SMOX: variants seen among roughly 807,000 people sequenced by gnomAD.
SMOX encodes spermine oxidase.
A neutral mutation model predicts 51.0 loss-of-function variants in SMOX; 22 were observed. The observed-to-expected ratio is 0.43, with a 90% CI of 0.31 to 0.62. SMOX has a LOEUF of 0.62. Ranked by LOEUF, SMOX falls within the 20% of genes least tolerant of loss-of-function variation. SMOX has a pLI of 0.10. For missense variants in SMOX, 566 were observed against 777.7 expected, an observed-to-expected ratio of 0.73 and a Z score of 3.24; for synonymous variants, 282 against 307.8, an observed-to-expected ratio of 0.92 and a Z score of 0.88.
In SMOX at chr20:4,177,508, C is replaced by T; in HGVS notation, c.366C>T (p.Cys122=). The stretch of plus-strand genomic sequence containing the variant: ...TCTATTCCAAGAATGGCGTGGCCTG[C>T]TACCTTACCAACCACGGCCGCAGGA... ...ISLYSKNGVA[C]YLTNHGRRIP... The change falls in exon 3 of 7, where the codon TGC becomes TGT. Residue 122 remains cysteine (C), a synonymous_variant. Transcript: ENST00000305958. The surrounding 1 kb of genome is among the most constrained non-coding windows in gnomAD (Gnocchi z 4.3). 6 of 1,593,412 alleles carry T rather than the reference C, an allele frequency of 3.8e-6. No individual in the cohort carries two copies. The highest frequency in any genetic ancestry group is 1.7e-4 in the Middle Eastern group (1 of 6,038).
chr20:4,173,235 T>C (rs1189542413), intron 1 of SMOX, among the ~76,000 whole-genome samples: 2 of 152,206 alleles, frequency 1.3e-5, no homozygotes, highest in Non-Finnish European at 2.9e-5. Flanking sequence ...TTCAGTCATC[T>C]CCCTGCCTTC....
Position 4,187,438 on chromosome 20 carries a change from A to C in SMOX, c.*31A>C. The stretch of plus-strand genomic sequence containing the variant: ...GTCCTCGCTGCTGAGAAGAGCCACT[A>C]ACTCGTGACCTCCAGCCTGCCCCTT... On this transcript the variant is annotated 3_prime_UTR_variant, in exon 7 of 7. Coordinates refer to ENST00000305958, the MANE Select transcript of SMOX (RefSeq NM_175839.3). The surrounding 1 kb of genome is among the most constrained non-coding windows in gnomAD (Gnocchi z 4.8). The C allele has an allele frequency of 6.2e-7, 1 of 1,605,204 alleles. No individual in the cohort carries two copies. Among genetic ancestry groups the C allele is most frequent in the Non-Finnish European group, 8.5e-7 (1 of 1,173,868 alleles).
intron 1 of SMOX, among the ~76,000 whole-genome samples, chr20:4,165,885 CTCTGCAAGA>C: frequency 6.6e-6 from 1 of 152,180 alleles, no homozygotes; most frequent in Admixed American, 6.5e-5. Flanking sequence ...GCTTGCCTAC[CTCTGCAAGA>C]TCTGGAATCT....
In SMOX at chr20:4,177,500, G is replaced by A. The variant is rs375716040; in HGVS notation, c.358G>A (p.Val120Met). 4.0e-5 allele frequency: 63 copies of A among 1,591,090 alleles called. No homozygotes were observed. Among genetic ancestry groups the A allele is most frequent in the Non-Finnish European group, 5.1e-5 (59 of 1,167,688 alleles). ...GRISLYSKNG[V>M]ACYLTNHGRR... is the part of the protein sequence containing the mutation. ...CATCAGCCTCTATTCCAAGAATGGC[G>A]TGGCCTGCTACCTTACCAACCACGG... Residue 120 changes from valine (V) to methionine (M), a missense_variant, in exon 3 of 7, where the codon GTG (valine) becomes ATG (methionine). Physicochemically the swap from Val to Met is conservative, Grantham distance 21. Transcript: ENST00000305958. This position sits in a 1 kb window ranked among gnomAD's most constrained non-coding sequence, Gnocchi z 4.3.
chr20:4,161,746 A>G (rs1423015485), intron 1 of SMOX, among the ~76,000 whole-genome samples: 1 of 152,146 alleles, frequency 6.6e-6, no homozygotes, highest in African/African-American at 2.4e-5. Context: ...CAGATCCTTA[A>G]GGGGAGGCGT....
At chr20:4,184,067 C>T (rs1310322706) in intron 6 of SMOX, among the ~76,000 whole-genome samples, 1 of 151,780 alleles carries the variant, frequency 6.6e-6, no homozygotes, top group Non-Finnish European at 1.5e-5. Context: ...GCAGCCTTGA[C>T]CTCCTGGGCT....
intron 1 of SMOX, among the ~76,000 whole-genome samples, chr20:4,157,519 G>A (rs374134899): frequency 6.6e-6 from 1 of 152,186 alleles, no homozygotes. Context: ...GTTTGAGTCT[G>A]AGAGTCAGAG....
At position 4,158,791 on chromosome 20, in the gene SMOX, C is replaced by T. The variant is rs1166538462; in HGVS notation, c.-27+9814C>T. Among the ~76,000 whole-genome samples the T allele has an allele frequency of 3.9e-5, 6 of 152,028 alleles. No homozygotes were observed. The East Asian group carries it at 1.2e-3, about 30-fold the overall frequency. ...TGTCCTCATACCTTCAACTGCTCCC[C>T]ACCCATAACCAGATCTCCGGGACAG... On this transcript the variant is annotated intron_variant, in intron 1 of 6. Transcript: ENST00000305958.
At chr20:4,178,832 T>C (rs996340194) in intron 3 of SMOX, among the ~76,000 whole-genome samples, 2 of 152,122 alleles carry the variant, frequency 1.3e-5, no homozygotes, top group Non-Finnish European at 2.9e-5. Context: ...TACAGGCATG[T>C]ACCACCATGC....
At chr20:4,180,286 C>A (rs1267658354) in intron 3 of SMOX, among the ~76,000 whole-genome samples, 1 of 152,194 alleles carries the variant, frequency 6.6e-6, no homozygotes, top group Non-Finnish European at 1.5e-5. Flanking sequence ...AGGTGGAGGC[C>A]TTCCCCTTGA....
chr20:4,155,332 G>A (rs1418485759), intron 1 of SMOX, among the ~76,000 whole-genome samples: 1 of 152,094 alleles, frequency 6.6e-6, no homozygotes, highest in East Asian at 1.9e-4. Context: ...TGATGGTTAC[G>A]TGAGCTGCTG....
Position 4,183,671 on chromosome 20 carries a change from G to C in SMOX, c.1530+17G>C, listed in dbSNP as rs767491818. The C allele has an allele frequency of 6.5e-7, 1 of 1,548,364 alleles. No homozygotes were observed. Among genetic ancestry groups the C allele is most frequent in the Non-Finnish European group, 8.7e-7 (1 of 1,149,930 alleles). Reference sequence around the variant, plus strand: ...AAGACAGCGGTAAGCGGGGCGTTTGGGGTGAGGAGGGGAGTTGTGGGTGTA... The same window carrying C: ...AAGACAGCGGTAAGCGGGGCGTTTGCGGTGAGGAGGGGAGTTGTGGGTGTA... On this transcript the variant is annotated intron_variant, in intron 6 of 6. Transcript: ENST00000305958. The surrounding 1 kb of genome is among the most constrained non-coding windows in gnomAD (Gnocchi z 4.3).
chr20:4,156,370 A>G (rs925663303), intron 1 of SMOX, among the ~76,000 whole-genome samples: 1 of 152,206 alleles, frequency 6.6e-6, no homozygotes, highest in Non-Finnish European at 1.5e-5. Context: ...GGATGGGCAC[A>G]TTTGGACAAT....
Position 4,166,353 on chromosome 20 carries a change from A to G in SMOX, c.-26-8677A>G, listed in dbSNP as rs572481039. 3.3e-5 allele frequency among the ~76,000 whole-genome samples: 5 copies of G among 151,932 alleles called. No individual in the cohort carries two copies. Among genetic ancestry groups the G allele is most frequent in the Non-Finnish European group, 7.4e-5 (5 of 67,960 alleles). ...TCGGAAAGACCCTGCCCTTTGTCTG[A>G]CTTCTTTTTTTTGAGACAAGGTCTT... On this transcript the variant is annotated intron_variant, in intron 1 of 6. Transcript: ENST00000305958. The surrounding 1 kb of genome is among the most constrained non-coding windows in gnomAD (Gnocchi z 4.2).
At chr20:4,168,799 C>T (rs1368964375) in intron 1 of SMOX, among the ~76,000 whole-genome samples, 2 of 151,864 alleles carry the variant, frequency 1.3e-5, no homozygotes, top group Non-Finnish European at 2.9e-5. Context: ...TCAAGTGATC[C>T]GCCCGCCTCG....
chr20:4,179,973 T>A (rs562309548), intron 3 of SMOX, among the ~76,000 whole-genome samples: 151 of 152,324 alleles, frequency 9.9e-4, no homozygotes, highest in African/African-American at 3.5e-3. Context: ...TGGTGGCTGA[T>A]GCAAAGAGTC....
chr20:4,158,989 C>A (rs562398523), intron 1 of SMOX, among the ~76,000 whole-genome samples: 1 of 148,274 alleles, frequency 6.7e-6, no homozygotes, highest in East Asian at 1.9e-4. Flanking sequence ...CACACAGGGA[C>A]CTTTTACTCT....
chr20:4,181,764 T>C lies in SMOX; in HGVS notation c.436-39T>C, dbSNP rs1124983. Reference sequence around the variant, plus strand: ...GGGCCTTCTGTTTGAGATGGAGGTGTGATGAGGTGTTTTCAGTCTCATGGG... The same window carrying C: ...GGGCCTTCTGTTTGAGATGGAGGTGCGATGAGGTGTTTTCAGTCTCATGGG... On this transcript the variant is annotated intron_variant, in intron 3 of 6. Coordinates refer to ENST00000305958, the MANE Select transcript of SMOX (RefSeq NM_175839.3). The surrounding 1 kb of genome is among the most constrained non-coding windows in gnomAD (Gnocchi z 5.6). The C allele has an allele frequency of 0.39, 619,905 of 1,596,792 alleles. 125,322 individuals carry two copies. The highest frequency in any genetic ancestry group is 0.41 in the Non-Finnish European group (485,096 of 1,170,282).
chr20:4,167,925 C>T lies in SMOX; in HGVS notation c.-26-7105C>T, dbSNP rs973252589. Reference sequence around the variant, plus strand: ...AGACACAGAGCCCCTTTGTCTGGGCCGTTGTGCAAAGCAGCTGGTCTGGGA... The same window carrying T: ...AGACACAGAGCCCCTTTGTCTGGGCTGTTGTGCAAAGCAGCTGGTCTGGGA... On this transcript the variant is annotated intron_variant, in intron 1 of 6. Coordinates refer to ENST00000305958, the MANE Select transcript of SMOX (RefSeq NM_175839.3). This position sits in a 1 kb window ranked among gnomAD's most constrained non-coding sequence, Gnocchi z 4.8. Among the ~76,000 whole-genome samples the T allele has an allele frequency of 4.6e-5, 7 of 152,016 alleles. No individual in the cohort carries two copies. Among genetic ancestry groups the T allele is most frequent in the Non-Finnish European group, 2.9e-5 (2 of 67,972 alleles).
Sources: allele counts gnomAD v4.1 joint callset (sites outside exome capture counted in the v4.1 genomes callset), GRCh38; gene constraint gnomAD v4.1.1; non-coding constraint Gnocchi (gnomAD v3.1); transcripts MANE v1.5; gene names NCBI Gene and HGNC (gene_info 2026-07-23, HGNC 2026-07-21).